PET100: variants seen among roughly 807,000 people sequenced by gnomAD.
The protein encoded by PET100 is protein PET100 homolog, mitochondrial.
In PET100, 13 loss-of-function variants were observed where a neutral mutation model predicts 13.6. That is an observed-to-expected ratio of 0.96 (90% confidence interval 0.62 to 1.52). The LOEUF is 1.52. Ranked by LOEUF, PET100 falls within the 40% of genes most tolerant of loss-of-function variation. PET100 has a pLI of 0.00. For missense variants in PET100, 94 were observed against 95.3 expected, an observed-to-expected ratio of 0.99 and a Z score of 0.06; for synonymous variants, 28 against 30.8, an observed-to-expected ratio of 0.91 and a Z score of 0.30.
At chr19:7,631,229 C>G (rs2031279448) in intron 3 of PET100, 2 of 1,401,470 alleles carry the variant, frequency 1.4e-6, no homozygotes, top group South Asian at 3.2e-5. Context: ...ATTTTACTCT[C>G]AGCCATGAGT....
intron 3 of PET100, chr19:7,631,147 G>A (rs1160106090): frequency 4.3e-6 from 4 of 935,062 alleles, no homozygotes; most frequent in Non-Finnish European, 6.1e-6. Context: ...GGTGGAGGTT[G>A]CAGTGAGCCC....
Position 7,631,516 on chromosome 19 carries a change from GGGA to G in PET100, c.187_189del (p.Glu63del), listed in dbSNP as rs1322397607. 2.7e-5 allele frequency: 42 copies of G among 1,536,134 alleles called. No homozygotes were observed. In the Admixed American group the frequency reaches 2.9e-4, roughly 11 times the overall value. On this transcript the variant is annotated inframe_deletion, in exon 4 of 4. Transcript: ENST00000594797. Reference sequence around the variant, plus strand: ...TTCAAAGAGAGGTTACGGAAGCGGCGGGAGGAGAAGCTCCTTCGCGACGCCCAG... The same window carrying G: ...TTCAAAGAGAGGTTACGGAAGCGGCGGGAGAAGCTCCTTCGCGACGCCCAG...
At chr19:7,631,320 T>G in intron 3 of PET100, 153 bp from the exon 4 acceptor site, 1 of 1,408,938 alleles carries the variant, frequency 7.1e-7, no homozygotes, top group Non-Finnish European at 9.2e-7. Flanking sequence ...GCGGACCCCT[T>G]TGTAATTGGC....
chr19:7,631,399 C>CGGGGGGGGGGTTGGGGGGGGG, intron 3 of PET100, 74 bp from the exon 4 acceptor site: 2 of 583,168 alleles, frequency 3.4e-6, no homozygotes, highest in Non-Finnish European at 4.9e-6. Flanking sequence ...GAGAGGTGGG[C>CGGGGGGGGGGTTGGGGGGGGG]GGGGGGGGGT....
Position 7,631,670 on chromosome 19 carries a change from C to T in PET100, c.*114C>T, listed in dbSNP as rs1407581193. On this transcript the variant is annotated 3_prime_UTR_variant, in exon 4 of 4. Coordinates refer to ENST00000594797, the MANE Select transcript of PET100 (RefSeq NM_001171155.2). ...ATCAGTTTTTGGGGGCCGAGTGAGA[C>T]CCAGGATGCCTCAGGCCCTCAGGGG... The T allele has an allele frequency of 6.1e-6, 9 of 1,467,248 alleles. No homozygotes were observed. The South Asian group carries it at 1.3e-4, about 21-fold the overall frequency. The allele number at this position is 1,467,248 out of a possible 1,614,324, so 90.9% of individuals were successfully genotyped here. A position where few individuals can be genotyped will look rare whatever the true frequency, so the allele number is the denominator to read the frequency against.
In PET100 at chr19:7,631,614, C is replaced by A. The variant is rs1319238466; in HGVS notation, c.*58C>A. The stretch of plus-strand genomic sequence containing the variant: ...GATGAAATATACATATACTCAGTTC[C>A]TTGTTATTCATTTAAGTGTTTTATT... On this transcript the variant is annotated 3_prime_UTR_variant, in exon 4 of 4. Coordinates refer to ENST00000594797, the MANE Select transcript of PET100 (RefSeq NM_001171155.2). 7 of 1,469,806 alleles carry A rather than the reference C, an allele frequency of 4.8e-6. No individual in the cohort carries two copies. The highest frequency in any genetic ancestry group is 2.5e-5 in the Admixed American group (1 of 40,704). 91.0% of individuals were successfully genotyped at this position (1,469,806 alleles called of 1,614,324 possible). A position where few individuals can be genotyped will look rare whatever the true frequency, so the allele number is the denominator to read the frequency against.
chr19:7,630,026 G>A, intron 1 of PET100, 166 bp downstream of exon 1: 1 of 854,726 alleles, frequency 1.2e-6, no homozygotes, highest in Non-Finnish European at 1.7e-6. Context: ...AGGGGACGCT[G>A]GGCTGGGGGG....
At chr19:7,630,500 G>C (rs2031254441) in intron 1 of PET100, 73 bp from the exon 2 acceptor site, 1 of 1,242,750 alleles carries the variant, frequency 8.0e-7, no homozygotes. Context: ...AGTAGGATGG[G>C]TCCCCCAGGC....
chr19:7,629,892 G>T (rs1432018594), intron 1 of PET100, 32 bp downstream of exon 1: 1 of 1,511,742 alleles, frequency 6.6e-7, no homozygotes, highest in East Asian at 2.5e-5. Flanking sequence ...TTGGGAGGCT[G>T]GGCAGGGGAT....
At chr19:7,630,546 C>T (rs1363656756) in intron 1 of PET100, 27 bp from the exon 2 acceptor site, 6 of 1,509,324 alleles carry the variant, frequency 4.0e-6, no homozygotes, top group Admixed American at 2.0e-5. Context: ...GGGGGGAGCT[C>T]ACCTCACCCA....
intron 1 of PET100, 172 bp from the exon 2 acceptor site, chr19:7,630,401 G>C: frequency 1.6e-6 from 1 of 615,334 alleles, no homozygotes; most frequent in Non-Finnish European, 2.9e-6. Flanking sequence ...GATTATAGGA[G>C]TTAGGTTTTA....
Position 7,631,727 on chromosome 19 carries a change from G to A in PET100, c.*171G>A, listed in dbSNP as rs546097542. 4.8e-6 allele frequency: 7 copies of A among 1,446,418 alleles called. No homozygotes were observed. The highest frequency in any genetic ancestry group is 2.6e-5 in the East Asian group (1 of 38,634). The allele number at this position is 1,446,418 out of a possible 1,614,324, so 89.6% of individuals were successfully genotyped here. A position where few individuals can be genotyped will look rare whatever the true frequency, so the allele number is the denominator to read the frequency against. ...GTCGGGGGCTGGGGGCTGCTGTTCC[G>A]ACGGAAGCCGAGAGCGGTCGGGTCC... On this transcript the variant is annotated 3_prime_UTR_variant, in exon 4 of 4. Coordinates refer to ENST00000594797, the MANE Select transcript of PET100 (RefSeq NM_001171155.2).
chr19:7,631,788 A>G lies in PET100; in HGVS notation c.*232A>G. ...GCAGGGGTTGGGGACTGAGGGTCCC[A>G]GCTCGTTTCTGTGCTCCGTCCTGTG... On this transcript the variant is annotated 3_prime_UTR_variant, in exon 4 of 4. Coordinates refer to ENST00000594797, the MANE Select transcript of PET100 (RefSeq NM_001171155.2). 1 of 1,419,022 alleles carries G rather than the reference A, an allele frequency of 7.0e-7. No individual in the cohort carries two copies. Among genetic ancestry groups the G allele is most frequent in the South Asian group, 1.8e-5 (1 of 56,102 alleles). 87.9% of individuals were successfully genotyped at this position (1,419,022 alleles called of 1,614,324 possible).
chr19:7,629,878 T>C lies in PET100; in HGVS notation c.27+18T>C. ...TATTTCGGGTCAGTGGACACAGGAG[T>C]GGGTTGGGAGGCTGGGCAGGGGATC... On this transcript the variant is annotated intron_variant, in intron 1 of 3. Coordinates refer to ENST00000594797, the MANE Select transcript of PET100 (RefSeq NM_001171155.2). 6.6e-7 allele frequency: 1 copy of C among 1,523,320 alleles called. No individual in the cohort carries two copies. Among genetic ancestry groups the C allele is most frequent in the Non-Finnish European group, 8.8e-7 (1 of 1,140,294 alleles). The allele number at this position is 1,523,320 out of a possible 1,614,324, so 94.4% of individuals were successfully genotyped here. A position where few individuals can be genotyped will look rare whatever the true frequency, so the allele number is the denominator to read the frequency against.
chr19:7,630,884 G>C (rs1262840660), intron 3 of PET100, 38 bp downstream of exon 3: 1 of 1,537,074 alleles, frequency 6.5e-7, no homozygotes, highest in Admixed American at 2.0e-5. Flanking sequence ...GGATGGAGGA[G>C]GCTGGATTCT....
intron 3 of PET100, chr19:7,631,158 A>T (rs561739954): frequency 5.0e-5 from 54 of 1,088,898 alleles, no homozygotes; most frequent in Admixed American, 3.3e-4. Context: ...CAGTGAGCCC[A>T]AGATCACGCC....
chr19:7,631,562 C>T lies in PET100; in HGVS notation c.*6C>T, dbSNP rs1431502993. On this transcript the variant is annotated 3_prime_UTR_variant, in exon 4 of 4. Transcript: ENST00000594797. ...ACGCCCAGCAGAACTCCTGAGGCCTCCAAGTGGGAGTCCTAGCCCCTCCCC... is the reference window on the plus strand; with the variant it reads ...ACGCCCAGCAGAACTCCTGAGGCCTTCAAGTGGGAGTCCTAGCCCCTCCCC... 2.0e-6 allele frequency: 3 copies of T among 1,534,802 alleles called. No individual in the cohort carries two copies. The highest frequency in any genetic ancestry group is 2.7e-5 in the African/African-American group (2 of 72,960).
At chr19:7,630,184 CTA>C (rs1435535850) in intron 1 of PET100, 2 of 464,624 alleles carry the variant, frequency 4.3e-6, no homozygotes. Flanking sequence ...GGGTGGGTGT[CTA>C]TGACAGGGAG....
At chr19:7,630,890 A>G in intron 3 of PET100, 44 bp downstream of exon 3, 1 of 1,536,748 alleles carries the variant, frequency 6.5e-7, no homozygotes, top group African/African-American at 1.4e-5. Flanking sequence ...AGGAGGCTGG[A>G]TTCTTGTATC....
Sources: allele counts gnomAD v4.1 joint callset, GRCh38; gene constraint gnomAD v4.1.1; transcripts MANE v1.5; gene names NCBI Gene and HGNC (gene_info 2026-07-23, HGNC 2026-07-21).